LYRM4: variants seen among roughly 807,000 people sequenced by gnomAD.
The protein encoded by LYRM4 is LYR motif-containing protein 4.
In LYRM4, 9 loss-of-function variants were observed where a neutral mutation model predicts 11.7. The ratio of observed to expected loss-of-function variants is 0.77; its 90% confidence interval spans 0.46 to 1.34. LYRM4 has a LOEUF of 1.34. Ranked by LOEUF, LYRM4 falls within the 40% of genes most tolerant of loss-of-function variation. The pLI is 0.00. For missense variants in LYRM4, 133 were observed against 112.5 expected, an observed-to-expected ratio of 1.18 and a Z score of -0.82; for synonymous variants, 42 against 40.4, an observed-to-expected ratio of 1.04 and a Z score of -0.15.
rs367814679 is a variant in LYRM4, at chr6:5,145,118, C to T, written c.208-35627G>A. On this transcript the variant is annotated intron_variant, in intron 2 of 2. Coordinates refer to ENST00000330636, the MANE Select transcript of LYRM4 (RefSeq NM_020408.6). Reference sequence around the variant, plus strand: ...AACGGGCACATCCCTGTGGAAAACACCAACCTGGCATTTCACACACACAAT... The same window carrying T: ...AACGGGCACATCCCTGTGGAAAACATCAACCTGGCATTTCACACACACAAT... Among the ~76,000 whole-genome samples the T allele has an allele frequency of 1.2e-4, 19 of 152,340 alleles. No individual in the cohort carries two copies. The South Asian group carries it at 3.5e-3, about 28-fold the overall frequency.
intron 2 of LYRM4, among the ~76,000 whole-genome samples, chr6:5,109,994 C>T (rs1439964942): frequency 6.6e-6 from 1 of 152,188 alleles, no homozygotes; most frequent in Non-Finnish European, 1.5e-5. Flanking sequence ...TGTCTGAGTG[C>T]CTGCACCTCC....
chr6:5,039,441 C>T, the LYRM4 span, among the ~76,000 whole-genome samples: 3 of 152,228 alleles, frequency 2.0e-5, no homozygotes, highest in South Asian at 4.1e-4. Flanking sequence ...CAATGAAGAG[C>T]AGGGAAGGGG....
At chr6:5,205,605 C>T (rs984676775) in intron 2 of LYRM4, among the ~76,000 whole-genome samples, 3 of 152,118 alleles carry the variant, frequency 2.0e-5, no homozygotes, top group African/African-American at 7.2e-5. Context: ...TTACAAAAAA[C>T]ATGAACAGCT....
intron 2 of LYRM4, among the ~76,000 whole-genome samples, chr6:5,148,820 TATAAATATA>T (rs1205159163): frequency 6.6e-6 from 1 of 152,200 alleles, no homozygotes; most frequent in Non-Finnish European, 1.5e-5. Flanking sequence ...TAATTAAATC[TATAAATATA>T]CATATAAAAA....
chr6:5,053,295 G>T, the LYRM4 span, among the ~76,000 whole-genome samples: 2 of 152,070 alleles, frequency 1.3e-5, no homozygotes. Flanking sequence ...TTCCTCTACT[G>T]CAGCCCACTA....
intron 2 of LYRM4, among the ~76,000 whole-genome samples, chr6:5,195,000 CA>C (rs1190158751): frequency 6.6e-6 from 1 of 152,178 alleles, no homozygotes; most frequent in East Asian, 1.9e-4. Flanking sequence ...ACGTCATTAG[CA>C]AGAAACTGTT....
chr6:5,085,374 G>T, the LYRM4 span: 1 of 766,004 alleles, frequency 1.3e-6, no homozygotes, highest in East Asian at 2.9e-5. Flanking sequence ...GACTCGCCTC[G>T]GGGAGGGCGA....
rs968606439 is a variant in LYRM4 at position 5,119,794 on chromosome 6, CAAAA to C, written c.208-10307_208-10304del. On this transcript the variant is annotated intron_variant, in intron 2 of 2. Transcript: ENST00000330636. ...GCAGAATGAGACTCTGTCTCCATAA[CAAAA>C]AAAAAAAAAAAAAAAAAAAAAACAA... 3.7e-3 allele frequency among the ~76,000 whole-genome samples: 62 copies of C among 16,868 alleles called. No homozygotes were observed. The South Asian group carries it at 0.12, about 32-fold the overall frequency. The allele number at this position is 16,868 out of a possible 152,430, so 11.1% of individuals were successfully genotyped here. A position where few individuals can be genotyped will look rare whatever the true frequency, so the allele number is the denominator to read the frequency against.
chr6:5,236,624 G>C (rs565701134), intron 1 of LYRM4, among the ~76,000 whole-genome samples: 1 of 151,956 alleles, frequency 6.6e-6, no homozygotes, highest in Admixed American at 6.6e-5. Flanking sequence ...GTTTAAAAGA[G>C]ATGGTCTGTT....
intron 2 of LYRM4, among the ~76,000 whole-genome samples, chr6:5,209,124 C>T (rs1271084217): frequency 6.6e-6 from 1 of 152,128 alleles, no homozygotes; most frequent in African/African-American, 2.4e-5. Context: ...GATGGAGTCT[C>T]ACTCTGTCGC....
the LYRM4 span, among the ~76,000 whole-genome samples, chr6:5,057,627 A>G: frequency 2.0e-5 from 3 of 151,670 alleles, no homozygotes; most frequent in Admixed American, 2.0e-4. Flanking sequence ...AGGCAGGGGA[A>G]TCGCTTGAAC....
chr6:5,237,512 A>T (rs1763619737), intron 1 of LYRM4, among the ~76,000 whole-genome samples: 1 of 152,086 alleles, frequency 6.6e-6, no homozygotes, highest in African/African-American at 2.4e-5. Flanking sequence ...AGTACACAAT[A>T]AATGTAATGT....
At chr6:5,032,742 CG>C in the LYRM4 span, 1 of 152,144 alleles carries the variant, frequency 6.6e-6, no homozygotes, top group Non-Finnish European at 1.5e-5. Context: ...TGTCTTCATC[CG>C]GACGGGGATG....
At chr6:5,085,528 C>A in the LYRM4 span, 1 of 1,539,078 alleles carries the variant, frequency 6.5e-7, no homozygotes, top group Non-Finnish European at 8.7e-7. Flanking sequence ...GGCGCCGGGA[C>A]CAGCGCCCTT....
Position 5,186,102 on chromosome 6 carries a change from C to T in LYRM4, c.207+30516G>A, listed in dbSNP as rs919140589. ...GCATGGGGGGTTACTGCTTGGATGC[C>T]AGGGGGTTGAGGTGTTAAGGGGAGG... On this transcript the variant is annotated intron_variant, in intron 2 of 2. Transcript: ENST00000330636. Among the ~76,000 whole-genome samples the T allele has an allele frequency of 2.0e-5, 3 of 152,018 alleles. No homozygotes were observed. In the South Asian group the frequency reaches 6.2e-4, roughly 32 times the overall value.
At chr6:5,208,265 A>G (rs1581508484) in intron 2 of LYRM4, among the ~76,000 whole-genome samples, 2 of 152,216 alleles carry the variant, frequency 1.3e-5, no homozygotes, top group South Asian at 4.1e-4. Flanking sequence ...CAAATAGGCA[A>G]CTTGCCTGAG....
chr6:5,059,677 C>T, the LYRM4 span, among the ~76,000 whole-genome samples: 1 of 152,190 alleles, frequency 6.6e-6, no homozygotes, highest in Non-Finnish European at 1.5e-5. Context: ...TACCACCTAA[C>T]ATCATCCACA....
At chr6:5,103,974 A>G (rs1263755645), downstream of LYRM4, 1 of 137,360 alleles carries the variant, frequency 7.3e-6, no homozygotes, top group Admixed American at 7.6e-5. Flanking sequence ...ACTAGTTTAT[A>G]TGAAGTACTT....
chr6:5,047,686 C>T, the LYRM4 span, among the ~76,000 whole-genome samples: 1 of 152,160 alleles, frequency 6.6e-6, no homozygotes, highest in Non-Finnish European at 1.5e-5. Context: ...TCATATGACC[C>T]TGCCTTGGTG....
Sources: gnomAD v4.1 joint callset for allele counts (sites outside exome capture counted in the v4.1 genomes callset) on GRCh38, gnomAD v4.1.1 for gene constraint, MANE v1.5 for transcripts, NCBI Gene and HGNC (gene_info 2026-07-23, HGNC 2026-07-21) for gene names.